Variants in NR3C2 observed in about 807,000 individuals in gnomAD.
NR3C2 encodes the protein mineralocorticoid receptor.
NR3C2 carries 15 observed loss-of-function variants against 86.4 expected under a neutral mutation model. That is an observed-to-expected ratio of 0.17 (90% CI 0.12 to 0.27). The LOEUF (loss-of-function observed/expected upper bound fraction) is 0.27. Ranked by LOEUF, NR3C2 falls within the 10% of genes least tolerant of loss-of-function variation. The pLI, the probability that NR3C2 is intolerant of heterozygous loss-of-function variation, is 1.00. For synonymous variants in NR3C2, 458 were observed against 450.5 expected (o/e 1.02, Z -0.21); for missense variants, 960 against 1,195.6 (o/e 0.80, Z 2.91).
intron 3 of NR3C2, among the ~76,000 whole-genome samples, chr4:148,241,256 A>G (rs551298856): frequency 7.0e-6 from 1 of 143,068 alleles, no homozygotes; most frequent in East Asian, 2.3e-4. Context: ...CAGTGAGCAA[A>G]GATTATGCCA....
intron 2 of NR3C2, among the ~76,000 whole-genome samples, chr4:148,266,065 C>T (rs1027754879): frequency 3.4e-4 from 48 of 140,460 alleles, no homozygotes; most frequent in African/African-American, 1.2e-3. Flanking sequence ...AAAATAGCTC[C>T]AGAAGGCCGC....
intron 6 of NR3C2, among the ~76,000 whole-genome samples, chr4:148,136,996 G>C (rs1733378262): frequency 6.6e-6 from 1 of 152,122 alleles, no homozygotes; most frequent in African/African-American, 2.4e-5. Context: ...ATTTACTACT[G>C]ACTGGCGAAA....
intron 3 of NR3C2, among the ~76,000 whole-genome samples, chr4:148,243,388 A>G (rs984668402): frequency 3.9e-5 from 6 of 152,226 alleles, no homozygotes; most frequent in South Asian, 4.1e-4. Flanking sequence ...GATCTCCACA[A>G]AGACCACTAA....
chr4:148,130,793 TTTTTTG>T (rs1473568282), intron 6 of NR3C2, among the ~76,000 whole-genome samples: 26 of 123,302 alleles, frequency 2.1e-4, no homozygotes, highest in Admixed American at 1.1e-3. Context: ...ACACGTTTTT[TTTTTTG>T]TTTTGTTTTG....
intron 4 of NR3C2, among the ~76,000 whole-genome samples, chr4:148,165,101 A>C (rs1734822858): frequency 6.6e-6 from 1 of 152,258 alleles, no homozygotes; most frequent in East Asian, 1.9e-4. Flanking sequence ...TTAAAAAACA[A>C]AAATTTAAGC....
At chr4:148,094,187 G>A (rs1731178098) in intron 8 of NR3C2, among the ~76,000 whole-genome samples, 1 of 152,158 alleles carries the variant, frequency 6.6e-6, no homozygotes, top group South Asian at 2.1e-4. Flanking sequence ...ATCAAAAAAG[G>A]GGGAAATAAC....
chr4:148,093,025 C>T (rs954493403), intron 8 of NR3C2, among the ~76,000 whole-genome samples: 6 of 152,196 alleles, frequency 3.9e-5, no homozygotes, highest in East Asian at 1.9e-4. Flanking sequence ...ATAAGAGTCC[C>T]GCATTGTTAG....
chr4:148,325,560 CCT>C (rs1187063970), intron 2 of NR3C2, among the ~76,000 whole-genome samples: 1 of 152,154 alleles, frequency 6.6e-6, no homozygotes, highest in Non-Finnish European at 1.5e-5. Context: ...AGTATTCTCT[CCT>C]GACAGTAGAG....
chr4:148,187,120 G>A (rs1350498699), intron 4 of NR3C2, among the ~76,000 whole-genome samples: 2 of 149,630 alleles, frequency 1.3e-5, no homozygotes, highest in Admixed American at 6.7e-5. Flanking sequence ...GTTGATTGAT[G>A]GGCATTTGGG....
chr4:148,335,721 A>G (rs1312394062), intron 2 of NR3C2, among the ~76,000 whole-genome samples: 1 of 152,138 alleles, frequency 6.6e-6, no homozygotes, highest in Non-Finnish European at 1.5e-5. Context: ...TTTCAATTTC[A>G]GGGTTAGAGA....
intron 4 of NR3C2, among the ~76,000 whole-genome samples, chr4:148,188,416 G>A (rs111355816): frequency 6.6e-6 from 1 of 152,024 alleles, no homozygotes. Flanking sequence ...GCAGTGTTTT[G>A]TAGTCTTCCT....
rs183184637 is a variant in NR3C2, at chr4:148,194,891, A to C, written c.1898-29T>G. The C allele has an allele frequency of 6.2e-6, 9 of 1,448,962 alleles. No individual in the cohort carries two copies. The East Asian group carries it at 1.6e-4, about 26-fold the overall frequency. The allele number at this position is 1,448,962 out of a possible 1,614,324, so 89.8% of individuals were successfully genotyped here. A position where few individuals can be genotyped will look rare whatever the true frequency, so the allele number is the denominator to read the frequency against. On this transcript the variant is annotated intron_variant, in intron 3 of 8. Coordinates refer to ENST00000358102, the MANE Select transcript of NR3C2 (RefSeq NM_000901.5). ...ATTAAAATAATAAAAAATAACTGTTAAAATAGAGTACACTAGTACAAAACA... is the reference window on the plus strand; with the variant it reads ...ATTAAAATAATAAAAAATAACTGTTCAAATAGAGTACACTAGTACAAAACA...
At chr4:148,270,323 C>T (rs1468589470) in intron 2 of NR3C2, among the ~76,000 whole-genome samples, 2 of 152,176 alleles carry the variant, frequency 1.3e-5, no homozygotes, top group Non-Finnish European at 2.9e-5. Context: ...CACAAGAACA[C>T]AGACACTGTT....
At chr4:148,172,504 T>C (rs1401977520) in intron 4 of NR3C2, among the ~76,000 whole-genome samples, 1 of 152,146 alleles carries the variant, frequency 6.6e-6, no homozygotes, top group Non-Finnish European at 1.5e-5. Flanking sequence ...ATGGAAAAAA[T>C]AATATTACAC....
At position 148,436,063 on chromosome 4, in the gene NR3C2, A is replaced by C; in HGVS notation, c.798T>G (p.Ser266Arg). Reference sequence around the variant, plus strand: ...GGCTGGAAATTGAGGATTTCATGCTACTTAACGGACTTGAGAGAGGAGAGC... The same window carrying C: ...GGCTGGAAATTGAGGATTTCATGCTCCTTAACGGACTTGAGAGAGGAGAGC... ...NVGSPLSSPLSSMKSSISSPP... is the reference protein window; with the variant it reads ...NVGSPLSSPLRSMKSSISSPP... The change falls in exon 2 of 9, where the codon AGT becomes AGG. Residue 266 changes from serine to arginine, a missense_variant. By Grantham distance (110) the Ser-to-Arg change is moderately radical. This residue lies in a region of NR3C2 where 680 missense variants were observed against 719.0 expected (regional missense o/e 0.95). Transcript: ENST00000358102. 6.2e-7 allele frequency: 1 copy of C among 1,614,164 alleles called. No homozygotes were observed. The highest frequency in any genetic ancestry group is 8.5e-7 in the Non-Finnish European group (1 of 1,180,020).
chr4:148,218,026 T>C (rs1737633288), intron 3 of NR3C2, among the ~76,000 whole-genome samples: 1 of 152,228 alleles, frequency 6.6e-6, no homozygotes, highest in Non-Finnish European at 1.5e-5. Flanking sequence ...TAAATAGTTT[T>C]GTTGTCTTGT....
chr4:148,314,516 T>C (rs1743069350), intron 2 of NR3C2, among the ~76,000 whole-genome samples: 1 of 152,170 alleles, frequency 6.6e-6, no homozygotes, highest in African/African-American at 2.4e-5. Flanking sequence ...TTACAATATA[T>C]ACAGTAATGA....
Position 148,436,151 on chromosome 4 carries a change from C to A in NR3C2, c.710G>T (p.Cys237Phe). ...GCCTCGATTTTCAACATTAGGGGAG[C>A]ATGTCAGAGGAGTTCCCTGGGTGAT... The part of the protein sequence containing the change: ...SPITQGTPLT[C>F]SPNVENRGSR... Residue 237 changes from cysteine (C) to phenylalanine (F), a missense_variant, in exon 2 of 9, where the codon TGC becomes TTC. Around this residue, in one of 4 missense-constraint regions of NR3C2, gnomAD observed 680 missense variants for 719.0 expected, o/e 0.95. Coordinates refer to ENST00000358102, the MANE Select transcript of NR3C2 (RefSeq NM_000901.5). 1 of 1,614,124 alleles carries A rather than the reference C, an allele frequency of 6.2e-7. No individual in the cohort carries two copies. The highest frequency in any genetic ancestry group is 2.2e-5 in the East Asian group (1 of 44,878).
rs1560929401 is a variant in NR3C2, at chr4:148,115,584, G to GTGC, written c.2642-1326_2642-1324dup. Among the ~76,000 whole-genome samples, 7 of 152,272 alleles carry GTGC rather than the reference G, an allele frequency of 4.6e-5. No homozygotes were observed. The South Asian group carries it at 1.5e-3, about 32-fold the overall frequency. On this transcript the variant is annotated intron_variant, in intron 7 of 8. Transcript: ENST00000358102. ...ATCAGCACTTGGAGACTTGGAGATGGTGCTGAGTATTGTGTGCAACCCTGG... is the reference window on the plus strand; with the variant it reads ...ATCAGCACTTGGAGACTTGGAGATGGTGCTGCTGAGTATTGTGTGCAACCCTGG...
Sources: gnomAD v4.1 joint callset for allele counts (sites outside exome capture counted in the v4.1 genomes callset) on GRCh38, gnomAD v4.1.1 for gene constraint, gnomAD v4.1.1 regional missense constraint, MANE v1.5 for transcripts, NCBI Gene and HGNC (gene_info 2026-07-23, HGNC 2026-07-21) for gene names.